The following CPQ variants were observed in gnomAD, a reference collection of about 807,000 sequenced individuals.
CPQ encodes Ser-Met dipeptidase.
CPQ carries 37 observed loss-of-function variants against 45.7 expected under a neutral mutation model. The observed-to-expected ratio is 0.81, with a 90% confidence interval of 0.62 to 1.07. CPQ has a LOEUF of 1.07. CPQ is among the 50% of genes least tolerant of loss of function. The pLI is 0.00. For synonymous variants in CPQ, 186 were observed against 205.8 expected (o/e 0.90, Z 0.82); for missense variants, 537 against 572.9 (o/e 0.94, Z 0.64).
At chr8:97,087,289 C>T (rs1191935491) in intron 7 of CPQ, among the ~76,000 whole-genome samples, 4 of 152,138 alleles carry the variant, frequency 2.6e-5, no homozygotes, top group Admixed American at 2.6e-4. Context: ...ACACAAATTA[C>T]GCGGGACAGA....
intron 5 of CPQ, among the ~76,000 whole-genome samples, chr8:96,988,313 G>T (rs1286609017): frequency 6.6e-6 from 1 of 152,032 alleles, no homozygotes; most frequent in African/African-American, 2.4e-5. Flanking sequence ...ATTTACAGAA[G>T]CCTTATTTCT....
chr8:97,015,739 T>A (rs1809568250), intron 5 of CPQ, among the ~76,000 whole-genome samples: 1 of 152,152 alleles, frequency 6.6e-6, no homozygotes, highest in Non-Finnish European at 1.5e-5. Context: ...TATATTTCTA[T>A]TTTTAAGAAC....
chr8:96,981,634 A>G (rs1318114555), intron 5 of CPQ, among the ~76,000 whole-genome samples: 1 of 152,220 alleles, frequency 6.6e-6, no homozygotes, highest in African/African-American at 2.4e-5. Flanking sequence ...GAATCTTTGA[A>G]CTAATTACCT....
At chr8:97,054,439 A>C (rs1465841470) in intron 6 of CPQ, among the ~76,000 whole-genome samples, 2 of 152,206 alleles carry the variant, frequency 1.3e-5, no homozygotes, top group African/African-American at 4.8e-5. Context: ...CCAAAGGAAA[A>C]GAAGTCATTA....
chr8:97,052,790 T>C (rs1810384705), intron 6 of CPQ, among the ~76,000 whole-genome samples: 1 of 152,216 alleles, frequency 6.6e-6, no homozygotes, highest in South Asian at 2.1e-4. Flanking sequence ...AAGTTTCACT[T>C]GTATTTTGAT....
At chr8:96,862,338 GGAGA>G (rs1019860628) in intron 3 of CPQ, among the ~76,000 whole-genome samples, 1 of 150,850 alleles carries the variant, frequency 6.6e-6, no homozygotes, top group Non-Finnish European at 1.5e-5. Context: ...GAGAGAGAAA[GGAGA>G]GAGAGAGGAG....
Position 97,122,258 on chromosome 8 carries a change from C to CAA in CPQ, c.1256-20755_1256-20754dup, listed in dbSNP as rs201336076. ...ATCAACTAGTCAGAAAGCAGCAATA[C>CAA]AAAAAAAACTTAAAAGCCTCCAGAG... On this transcript the variant is annotated intron_variant, in intron 7 of 7. Transcript: ENST00000220763. Among the ~76,000 whole-genome samples, 16 of 151,458 alleles carry CAA rather than the reference C, an allele frequency of 1.1e-4. No individual in the cohort carries two copies. The South Asian group carries it at 2.7e-3, about 26-fold the overall frequency.
At chr8:97,009,355 C>T (rs1809440701) in intron 5 of CPQ, among the ~76,000 whole-genome samples, 1 of 152,178 alleles carries the variant, frequency 6.6e-6, no homozygotes, top group Non-Finnish European at 1.5e-5. Context: ...AGACACTTTC[C>T]ACCTCATCTC....
At chr8:96,807,468 C>T (rs1415643573) in intron 2 of CPQ, among the ~76,000 whole-genome samples, 2 of 152,092 alleles carry the variant, frequency 1.3e-5, no homozygotes, top group African/African-American at 4.8e-5. Context: ...CTCCTGACCT[C>T]GTGATCCACC....
At chr8:96,857,172 C>A (rs1021679959) in intron 3 of CPQ, among the ~76,000 whole-genome samples, 1 of 152,158 alleles carries the variant, frequency 6.6e-6, no homozygotes, top group Non-Finnish European at 1.5e-5. Flanking sequence ...CCACACACGG[C>A]CTTGCTGCAA....
intron 7 of CPQ, among the ~76,000 whole-genome samples, chr8:97,110,659 G>A (rs1811485486): frequency 6.6e-6 from 1 of 151,700 alleles, no homozygotes; most frequent in Non-Finnish European, 1.5e-5. Context: ...GGCTTTTTTT[G>A]GCATCACTGC....
chr8:96,810,831 T>G (rs938052049), intron 2 of CPQ, among the ~76,000 whole-genome samples: 3 of 152,114 alleles, frequency 2.0e-5, no homozygotes, highest in African/African-American at 7.2e-5. Context: ...TGCTAACCAG[T>G]GTATATAATT....
chr8:96,926,576 C>CTCTTCTTCTTCTTCTTCTTATTCTTCT (rs1812883708), intron 4 of CPQ, among the ~76,000 whole-genome samples: 2 of 74,976 alleles, frequency 2.7e-5, no homozygotes, highest in African/African-American at 1.6e-4. Flanking sequence ...CTTCCTCTTC[C>CTCTTCTTCTTCTTCTTCTTATTCTTCT]TCTTCTTCTT....
intron 3 of CPQ, among the ~76,000 whole-genome samples, chr8:96,868,584 G>T (rs1008530053): frequency 7.2e-5 from 11 of 151,868 alleles, no homozygotes; most frequent in African/African-American, 2.7e-4. Flanking sequence ...AATGTCAATA[G>T]AAATTTTAAA....
intron 2 of CPQ, among the ~76,000 whole-genome samples, chr8:96,786,934 A>G (rs766343929): frequency 2.6e-4 from 39 of 151,854 alleles, no homozygotes; most frequent in Admixed American, 1.9e-3. Flanking sequence ...GTCCCTTTTC[A>G]TATATTTGAT....
At chr8:96,967,621 T>A (rs1422293794) in intron 5 of CPQ, among the ~76,000 whole-genome samples, 1 of 152,228 alleles carries the variant, frequency 6.6e-6, no homozygotes, top group Non-Finnish European at 1.5e-5. Context: ...TTGCTTTTGA[T>A]AGCTAGTGAC....
chr8:96,923,741 G>A (rs1428293220), intron 4 of CPQ, among the ~76,000 whole-genome samples: 1 of 152,174 alleles, frequency 6.6e-6, no homozygotes, highest in East Asian at 1.9e-4. Flanking sequence ...AAGGAATTGG[G>A]AGCAAGTAGT....
At chr8:96,718,350 C>T (rs888271964) in intron 1 of CPQ, among the ~76,000 whole-genome samples, 7 of 152,058 alleles carry the variant, frequency 4.6e-5, no homozygotes, top group Non-Finnish European at 7.4e-5. Context: ...TTCTGATGTT[C>T]GGAGTTTCTT....
rs548414865 is a variant in CPQ, at chr8:96,718,589, C to T, written c.-34-66275C>T. On this transcript the variant is annotated intron_variant, in intron 1 of 7. Transcript: ENST00000220763. ...CAGTGGCAAGATTTATTGCAAAGAG[C>T]GAAAGAACAAAGCTTCCACAGCGTG... Among the ~76,000 whole-genome samples the T allele has an allele frequency of 3.3e-5, 5 of 152,210 alleles. No homozygotes were observed. In the South Asian group the frequency reaches 8.3e-4, roughly 25 times the overall value.
Sources: gnomAD v4.1 joint callset for allele counts (sites outside exome capture counted in the v4.1 genomes callset) on GRCh38, gnomAD v4.1.1 for gene constraint, MANE v1.5 for transcripts, NCBI Gene and HGNC (gene_info 2026-07-23, HGNC 2026-07-21) for gene names.